Variants in MAGI2 observed in about 807,000 individuals in gnomAD.
MAGI2 encodes the protein membrane-associated guanylate kinase, WW and PDZ domain-containing protein 2.
MAGI2 carries 35 observed loss-of-function variants against 133.3 expected under a neutral mutation model. The ratio of observed to expected loss-of-function variants is 0.26; its 90% CI spans 0.20 to 0.35. The LOEUF is 0.35. Among genes scored for constraint, MAGI2 ranks in the 10% least tolerant of loss-of-function variants. The pLI is 1.00. For missense variants in MAGI2, 1,636 were observed against 1,863.4 expected (o/e 0.88, Z 2.25); for synonymous variants, 729 against 710.6 (o/e 1.03, Z -0.41).
At chr7:78,189,190 C>T (rs1049385272) in intron 12 of MAGI2, among the ~76,000 whole-genome samples, 6 of 152,124 alleles carry the variant, frequency 3.9e-5, no homozygotes, top group Middle Eastern at 3.4e-3. Context: ...TACTGAACAA[C>T]GAAAGAATTC....
At chr7:78,148,387 C>CTGAT (rs1823528035) in intron 16 of MAGI2, among the ~76,000 whole-genome samples, 1 of 152,070 alleles carries the variant, frequency 6.6e-6, no homozygotes, top group African/African-American at 2.4e-5. Flanking sequence ...GGGTGAACAG[C>CTGAT]TGATTCATTA....
At chr7:79,148,344 G>A (rs1562940586) in intron 1 of MAGI2, among the ~76,000 whole-genome samples, 2 of 152,076 alleles carry the variant, frequency 1.3e-5, no homozygotes. Context: ...GAGTGATGTT[G>A]GGTAGAAATT....
intron 2 of MAGI2, among the ~76,000 whole-genome samples, chr7:78,804,114 T>C (rs1788307949): frequency 6.6e-6 from 1 of 152,206 alleles, no homozygotes; most frequent in African/African-American, 2.4e-5. Flanking sequence ...CACAGCAAAG[T>C]ATTAAATCCA....
intron 1 of MAGI2, among the ~76,000 whole-genome samples, chr7:79,341,407 A>T (rs1418703310): frequency 6.6e-6 from 1 of 152,114 alleles, no homozygotes; most frequent in Non-Finnish European, 1.5e-5. Flanking sequence ...ATTTAAAAAA[A>T]AAACAGCACC....
chr7:78,895,447 G>T (rs1425408512), intron 2 of MAGI2, among the ~76,000 whole-genome samples: 1 of 151,934 alleles, frequency 6.6e-6, no homozygotes, highest in East Asian at 1.9e-4. Context: ...AGTTCTTCAA[G>T]ACTGTAATGA....
chr7:78,427,019 T>G (rs1488411481), intron 6 of MAGI2, among the ~76,000 whole-genome samples: 1 of 152,174 alleles, frequency 6.6e-6, no homozygotes, highest in African/African-American at 2.4e-5. Flanking sequence ...GCTCTAACAT[T>G]TTACATGAAA....
chr7:79,318,680 G>A (rs775419882), intron 1 of MAGI2, among the ~76,000 whole-genome samples: 3 of 152,262 alleles, frequency 2.0e-5, no homozygotes, highest in Non-Finnish European at 2.9e-5. Context: ...CTTGTACTAC[G>A]TATTAGTTTT....
At chr7:78,978,873 A>G (rs1472768945) in intron 2 of MAGI2, among the ~76,000 whole-genome samples, 2 of 151,844 alleles carry the variant, frequency 1.3e-5, no homozygotes, top group East Asian at 3.9e-4. Context: ...TCATTGGAAT[A>G]CAGGTTAACA....
rs188647696 is a variant in MAGI2 at position 78,489,696 on chromosome 7, C to T, written c.1045+65G>A. The T allele has an allele frequency of 6.6e-6, 8 of 1,220,228 alleles. No homozygotes were observed. The East Asian group carries it at 1.9e-4, about 28-fold the overall frequency. 75.6% of individuals were successfully genotyped at this position (1,220,228 alleles called of 1,614,324 possible). On this transcript the variant is annotated intron_variant, in intron 6 of 21. Coordinates refer to ENST00000354212, the MANE Select transcript of MAGI2 (RefSeq NM_012301.4). ...TTATTGCCTCTTCAGGTGAGACTCT[C>T]ATTTAAGAAACACAAACATTCTCAA...
chr7:79,046,222 G>A (rs1296480657), intron 1 of MAGI2, among the ~76,000 whole-genome samples: 3 of 152,014 alleles, frequency 2.0e-5, no homozygotes, highest in Non-Finnish European at 4.4e-5. Flanking sequence ...ACTGTGTTTC[G>A]AAATACAGCC....
chr7:78,951,641 A>G (rs982454280), intron 2 of MAGI2, among the ~76,000 whole-genome samples: 1 of 152,170 alleles, frequency 6.6e-6, no homozygotes, highest in African/African-American at 2.4e-5. Flanking sequence ...AAACCATATC[A>G]ATTGCCTGTT....
chr7:79,275,909 C>A (rs1484885353), intron 1 of MAGI2, among the ~76,000 whole-genome samples: 2 of 152,136 alleles, frequency 1.3e-5, no homozygotes, highest in African/African-American at 4.8e-5. Flanking sequence ...ATGTTTGAGA[C>A]CTACTGCTCA....
chr7:78,274,263 C>T (rs1192350773), intron 9 of MAGI2, among the ~76,000 whole-genome samples: 2 of 152,212 alleles, frequency 1.3e-5, no homozygotes, highest in East Asian at 3.9e-4. Flanking sequence ...GTATCACCAG[C>T]AGATGCTGCA....
chr7:78,817,656 T>C (rs1789712535), intron 2 of MAGI2, among the ~76,000 whole-genome samples: 2 of 152,178 alleles, frequency 1.3e-5, no homozygotes, highest in Admixed American at 1.3e-4. Flanking sequence ...GTTTAACATA[T>C]GTACATTTTT....
intron 3 of MAGI2, among the ~76,000 whole-genome samples, chr7:78,559,982 G>A (rs188638869): frequency 2.6e-5 from 4 of 152,140 alleles, no homozygotes; most frequent in African/African-American, 4.8e-5. Context: ...AATAAATAAA[G>A]GTATCTACAT....
intron 2 of MAGI2, among the ~76,000 whole-genome samples, chr7:78,875,928 T>C (rs1158503957): frequency 6.6e-6 from 1 of 152,082 alleles, no homozygotes; most frequent in Non-Finnish European, 1.5e-5. Context: ...ACAGATTAGA[T>C]GTGGGGAAAA....
intron 2 of MAGI2, among the ~76,000 whole-genome samples, chr7:78,855,475 A>G (rs1324815673): frequency 6.6e-6 from 1 of 152,078 alleles, no homozygotes; most frequent in East Asian, 1.9e-4. Flanking sequence ...TCATTGCACA[A>G]TTCCCACTTA....
intron 3 of MAGI2, among the ~76,000 whole-genome samples, chr7:78,533,095 C>A (rs944972060): frequency 2.0e-5 from 3 of 152,096 alleles, no homozygotes; most frequent in Admixed American, 2.0e-4. Flanking sequence ...GTGCCCACCA[C>A]CACACCCGGC....
intron 2 of MAGI2, among the ~76,000 whole-genome samples, chr7:78,632,458 T>C (rs1443418029): frequency 6.6e-6 from 1 of 152,106 alleles, no homozygotes. Context: ...ACTACCCAGG[T>C]GAGTGTTAGC....
Sources: allele counts gnomAD v4.1 joint callset (sites outside exome capture counted in the v4.1 genomes callset), GRCh38; gene constraint gnomAD v4.1.1; transcripts MANE v1.5; gene names NCBI Gene and HGNC (gene_info 2026-07-23, HGNC 2026-07-21).